HELLS: variants seen among roughly 807,000 people sequenced by gnomAD.
The protein encoded by HELLS is helicase, lymphoid specific, also known as lymphoid-specific helicase.
HELLS carries 32 observed loss-of-function variants against 120.0 expected under a neutral mutation model. The observed-to-expected ratio is 0.27, with a 90% confidence interval of 0.20 to 0.36. The LOEUF (loss-of-function observed/expected upper bound fraction) is 0.36, where lower values mean the gene tolerates loss of function less well. Among genes scored for constraint, HELLS ranks in the 10% least tolerant of loss-of-function variants. The pLI is 1.00. For missense variants in HELLS, 650 were observed against 993.4 expected (o/e 0.65, Z 4.65); for synonymous variants, 341 against 323.4 (o/e 1.05, Z -0.58).
chr10:94,605,757 A>G (rs890008147), downstream of HELLS, among the ~76,000 whole-genome samples: 1 of 151,248 alleles, frequency 6.6e-6, no homozygotes, highest in East Asian at 2.0e-4. Flanking sequence ...TCAGCCACCA[A>G]TTTAGTTTGG....
At chr10:94,565,695 A>C (rs1330233009) in intron 6 of HELLS, among the ~76,000 whole-genome samples, 1 of 152,214 alleles carries the variant, frequency 6.6e-6, no homozygotes, top group Admixed American at 6.5e-5. Context: ...CATCTCAAAA[A>C]AGAAAAACCA....
intron 15 of HELLS, among the ~76,000 whole-genome samples, chr10:94,591,009 T>C (rs1373304113): frequency 1.3e-5 from 2 of 152,174 alleles, no homozygotes; most frequent in African/African-American, 4.8e-5. Flanking sequence ...AATTTTTTTA[T>C]TTTTTATAGA....
chr10:94,588,194 A>G, intron 12 of HELLS, 35 bp from the exon 13 acceptor site: 2 of 1,308,400 alleles, frequency 1.5e-6, no homozygotes, highest in Non-Finnish European at 2.2e-6. Flanking sequence ...AGAATGTTTA[A>G]TACTCATATT....
At chr10:94,548,604 T>A (rs533984809) in intron 2 of HELLS, among the ~76,000 whole-genome samples, 1 of 152,344 alleles carries the variant, frequency 6.6e-6, no homozygotes, top group Admixed American at 6.5e-5. Context: ...ATTTTTAAGC[T>A]TATGAACAAA....
At chr10:94,578,983 G>C (rs1381055655) in intron 10 of HELLS, among the ~76,000 whole-genome samples, 1 of 152,128 alleles carries the variant, frequency 6.6e-6, no homozygotes, top group Non-Finnish European at 1.5e-5. Context: ...TGTAAATACA[G>C]ACGAGGCTTC....
At chr10:94,577,121 T>G (rs1249680793) in intron 10 of HELLS, 5 of 458,796 alleles carry the variant, frequency 1.1e-5, no homozygotes, top group African/African-American at 8.0e-5. Context: ...TGGAATTTAC[T>G]TATCGTATTT....
chr10:94,605,675 T>C (rs1846120818), downstream of HELLS, among the ~76,000 whole-genome samples: 1 of 148,138 alleles, frequency 6.8e-6, no homozygotes, highest in Admixed American at 6.8e-5. Flanking sequence ...AGACAGGGTC[T>C]CATTCTGTCA....
intron 12 of HELLS, among the ~76,000 whole-genome samples, chr10:94,585,163 C>G (rs1845060084): frequency 6.6e-6 from 1 of 151,580 alleles, no homozygotes; most frequent in Admixed American, 6.6e-5. Context: ...TATTTCCACC[C>G]CATATTGAAG....
At position 94,546,387 on chromosome 10, in the gene HELLS, T is replaced by A; in HGVS notation, c.42T>A (p.Ala14=). 6.2e-7 allele frequency: 1 copy of A among 1,614,168 alleles called. No homozygotes were observed. Among genetic ancestry groups the A allele is most frequent in the South Asian group, 1.1e-5 (1 of 91,086 alleles). Residue 14 remains alanine (A), a synonymous_variant, in exon 2 of 22, where the codon GCT becomes GCA. Transcript: ENST00000348459. ...TTTCTCCCCCGTCAGGCTCGGAGGC[T>A]CCAGCAATGGTTGAACAACTGGACA... The part of the protein sequence containing the change: ...ERPAGSGGSE[A]PAMVEQLDTA...
Position 94,590,467 on chromosome 10 carries a change from T to C in HELLS, c.1543T>C (p.Ser515Pro). The C allele has an allele frequency of 6.2e-7, 1 of 1,612,256 alleles. No individual in the cohort carries two copies. The highest frequency in any genetic ancestry group is 8.5e-7 in the Non-Finnish European group (1 of 1,179,612). Reference protein sequence around the residue: ...TGRPKRRTRKSINYSKIDDFP... With the variant: ...TGRPKRRTRKPINYSKIDDFP... ...TCGACCAAAACGACGAACTAGAAAA[T>C]CAATAAATTACAGCAAAATAGATGA... Residue 515 changes from serine to proline, a missense_variant, in exon 14 of 22, where the codon TCA becomes CCA. Ser to Pro is a moderately conservative substitution (Grantham distance 74, BLOSUM62 -1). This residue lies in a region of HELLS where 191 missense variants were observed against 259.7 expected (regional missense o/e 0.74). Transcript: ENST00000348459.
Position 94,592,376 on chromosome 10 carries a change from A to G in HELLS, c.1852-19A>G, listed in dbSNP as rs1053030997. 1.3e-6 allele frequency: 2 copies of G among 1,581,828 alleles called. No individual in the cohort carries two copies. Among genetic ancestry groups the G allele is most frequent in the Non-Finnish European group, 1.7e-6 (2 of 1,166,044 alleles). On this transcript the variant is annotated intron_variant, in intron 16 of 21. Transcript: ENST00000348459. The stretch of plus-strand genomic sequence containing the variant: ...TTTTTTATCAATCATTAGAAATATT[A>G]AGATATGTTTAATTTCAGGTGCTGC...
intron 4 of HELLS, among the ~76,000 whole-genome samples, chr10:94,560,449 C>T (rs1843493340): frequency 6.6e-6 from 1 of 152,076 alleles, no homozygotes; most frequent in Non-Finnish European, 1.5e-5. Flanking sequence ...AATCCCAACA[C>T]TTTGGGAGGC....
intron 17 of HELLS, among the ~76,000 whole-genome samples, chr10:94,593,224 C>T (rs970943868): frequency 1.3e-5 from 2 of 152,170 alleles, no homozygotes; most frequent in African/African-American, 4.8e-5. Flanking sequence ...TAGACAACTA[C>T]AATTTTTTCA....
downstream of HELLS, among the ~76,000 whole-genome samples, chr10:94,605,081 C>G (rs867059733): frequency 1.1e-3 from 145 of 132,052 alleles, 7 homozygotes; most frequent in African/African-American, 3.1e-3. Flanking sequence ...CTCCCCCCCC[C>G]CCCCTTTTTT....
At chr10:94,557,772 CAA>C (rs948309274) in intron 3 of HELLS, among the ~76,000 whole-genome samples, 2 of 152,208 alleles carry the variant, frequency 1.3e-5, no homozygotes, top group African/African-American at 4.8e-5. Context: ...CTCCTCAACA[CAA>C]AGAGACTGTT....
chr10:94,610,371 A>ATG (rs1846178662), exon 10 of HELLS: 1 of 151,908 alleles, frequency 6.6e-6, no homozygotes, highest in African/African-American at 2.4e-5. Context: ...CTAGTGGATC[A>ATG]TGTGGCCGAG....
intron 2 of HELLS, among the ~76,000 whole-genome samples, chr10:94,551,181 A>G (rs1161005851): frequency 1.3e-5 from 2 of 152,162 alleles, no homozygotes; most frequent in African/African-American, 4.8e-5. Flanking sequence ...GGTGATTTAT[A>G]TATTTTTTGA....
intron 6 of HELLS, among the ~76,000 whole-genome samples, chr10:94,566,363 T>TG (rs1243356795): frequency 6.6e-6 from 1 of 150,956 alleles, no homozygotes; most frequent in Non-Finnish European, 1.5e-5. Context: ...GTGGGGGAGG[T>TG]GTTTTAGGAA....
At chr10:94,612,459 CAT>C (rs1846202545) in exon 10 of HELLS, 1 of 152,170 alleles carries the variant, frequency 6.6e-6, no homozygotes, top group African/African-American at 2.4e-5. Flanking sequence ...GCCTTTTCCT[CAT>C]ATTCACAAGT....
Sources: gnomAD v4.1 joint callset for allele counts (sites outside exome capture counted in the v4.1 genomes callset) on GRCh38, gnomAD v4.1.1 for gene constraint, gnomAD v4.1.1 regional missense constraint, MANE v1.5 for transcripts, NCBI Gene and HGNC (gene_info 2026-07-23, HGNC 2026-07-21) for gene names.